Variants in TRMT2A observed in about 807,000 individuals in gnomAD.
TRMT2A encodes tRNA methyltransferase 2A.
In TRMT2A, 60 loss-of-function variants were observed where a neutral mutation model predicts 59.3. That is an observed-to-expected ratio of 1.01 (90% CI 0.82 to 1.26). The LOEUF is 1.26. Among genes scored for constraint, TRMT2A ranks in the 50% most tolerant of loss-of-function variants. The pLI is 0.00. For missense variants in TRMT2A, 863 were observed against 845.2 expected, an observed-to-expected ratio of 1.02 and a Z score of -0.26; for synonymous variants, 403 against 353.7, an observed-to-expected ratio of 1.14 and a Z score of -1.56.
Position 20,116,994 on chromosome 22 carries a change from G to A in TRMT2A, c.-88C>T. Reference sequence around the variant, plus strand: ...GGGCCTGTCACAAGGGAAGTGGCCTGTCACAAGGGAAGTGCTCAGAGGGGA... The same window carrying A: ...GGGCCTGTCACAAGGGAAGTGGCCTATCACAAGGGAAGTGCTCAGAGGGGA... On this transcript the variant is annotated 5_prime_UTR_variant, in exon 1 of 12. Transcript: ENST00000252136. The A allele has an allele frequency of 6.6e-7, 1 of 1,520,258 alleles. No individual in the cohort carries two copies. The highest frequency in any genetic ancestry group is 8.9e-7 in the Non-Finnish European group (1 of 1,119,808). The allele number at this position is 1,520,258 out of a possible 1,614,324, so 94.2% of individuals were successfully genotyped here. A position where few individuals can be genotyped will look rare whatever the true frequency, so the allele number is the denominator to read the frequency against.
chr22:20,113,286 GGCCA>G, intron 9 of TRMT2A, 52 bp from the exon 10 acceptor site: 1 of 1,517,206 alleles, frequency 6.6e-7, no homozygotes. Flanking sequence ...CTCCCAGCAG[GGCCA>G]GCCCTGGGGA....
intron 6 of TRMT2A, 32 bp from the exon 7 acceptor site, chr22:20,114,717 A>T (rs929585939): frequency 6.2e-7 from 1 of 1,611,138 alleles, no homozygotes; most frequent in African/African-American, 1.3e-5. Flanking sequence ...CTTCAGTGTC[A>T]CAGTCCCTGC....
Position 20,115,655 on chromosome 22 carries a change from C to G in TRMT2A, c.708+17G>C. 1 of 1,612,340 alleles carries G rather than the reference C, an allele frequency of 6.2e-7. No homozygotes were observed. Among genetic ancestry groups the G allele is most frequent in the Non-Finnish European group, 8.5e-7 (1 of 1,179,624 alleles). ...AACCCAGGATAGGGGTTTGTGGCCA[C>G]CGAAGTCTAGTCTGACCTGCTGGGG... On this transcript the variant is annotated intron_variant, in intron 3 of 11. Coordinates refer to ENST00000252136, the MANE Select transcript of TRMT2A (RefSeq NM_022727.6).
At position 20,116,134 on chromosome 22, in the gene TRMT2A, A is replaced by G. The variant is rs1473483441; in HGVS notation, c.503T>C (p.Val168Ala). Reference protein sequence around the residue: ...EGESEPPVTRVADVVTPLWTV... With the variant: ...EGESEPPVTRAADVVTPLWTV... Reference sequence around the variant, plus strand: ...CCATAGAGGGGTCACCACGTCGGCCACTCGTGTTACTGGTGGCTCACTCTC... The same window carrying G: ...CCATAGAGGGGTCACCACGTCGGCCGCTCGTGTTACTGGTGGCTCACTCTC... The change falls in exon 2 of 12, where the codon GTG (valine) becomes GCG (alanine). Residue 168 changes from valine to alanine, a missense_variant. Transcript: ENST00000252136. 1 of 1,612,742 alleles carries G rather than the reference A, an allele frequency of 6.2e-7. No homozygotes were observed. The highest frequency in any genetic ancestry group is 1.7e-5 in the Admixed American group (1 of 60,012).
chr22:20,113,614 T>C, intron 8 of TRMT2A, 72 bp downstream of exon 8: 1 of 1,601,224 alleles, frequency 6.2e-7, no homozygotes. Flanking sequence ...TCAGCTGTGG[T>C]GACTTTGAGC....
chr22:20,112,659 G>A lies in TRMT2A; in HGVS notation c.1782C>T (p.Gly594=). The A allele has an allele frequency of 6.2e-7, 1 of 1,614,132 alleles. No homozygotes were observed. The highest frequency in any genetic ancestry group is 8.5e-7 in the Non-Finnish European group (1 of 1,180,034). The change falls in exon 12 of 12, where the codon GGC becomes GGT. Residue 594 remains glycine, a synonymous_variant. Coordinates refer to ENST00000252136, the MANE Select transcript of TRMT2A (RefSeq NM_022727.6). ...GGCTGTGGGGCCCCAAGACCCCTGTGCCATTGGGGTGCTCCACCCTCTCAA... is the reference window on the plus strand; with the variant it reads ...GGCTGTGGGGCCCCAAGACCCCTGTACCATTGGGGTGCTCCACCCTCTCAA... ...ILFERVEHPN[G]TGVLGPHSPP...
chr22:20,114,759 A>AC lies in TRMT2A; in HGVS notation c.1121+1dup. 6.2e-7 allele frequency: 1 copy of AC among 1,612,202 alleles called. No individual in the cohort carries two copies. ...CTGCCCCGCCCCACTCGGGCTCCTT[A>AC]CCGCTGTCCCTCCTCCACGAAGTAG... On this transcript the variant is annotated splice_donor_variant, in intron 6 of 11. Coordinates refer to ENST00000252136, the MANE Select transcript of TRMT2A (RefSeq NM_022727.6). LOFTEE classifies it high-confidence loss of function.
At position 20,114,448 on chromosome 22, in the gene TRMT2A, CT is replaced by C. The variant is rs990048643; in HGVS notation, c.1233+125del. ...AACCTCTTTCTTACTTCACCCTCCC[CT>C]GTGGCTCACCTGCCTGGATACTCCC... On this transcript the variant is annotated intron_variant, in intron 7 of 11. Transcript: ENST00000252136. 73 of 792,522 alleles carry C rather than the reference CT, an allele frequency of 9.2e-5. 1 individual carries two copies. The highest frequency in any genetic ancestry group is 8.5e-4 in the Admixed American group (46 of 54,370). 49.1% of individuals were successfully genotyped at this position (792,522 alleles called of 1,614,324 possible).
chr22:20,112,266 T>G lies in TRMT2A; in HGVS notation c.*297A>C. 2.4e-6 allele frequency: 1 copy of G among 416,054 alleles called. No individual in the cohort carries two copies. The highest frequency in any genetic ancestry group is 4.3e-6 in the Non-Finnish European group (1 of 233,568). 25.8% of individuals were successfully genotyped at this position (416,054 alleles called of 1,614,324 possible). A position where few individuals can be genotyped will look rare whatever the true frequency, so the allele number is the denominator to read the frequency against. On this transcript the variant is annotated 3_prime_UTR_variant, in exon 12 of 12. Transcript: ENST00000252136. ...CCCTTTCCCTGGCACCCAGGCCCTG[T>G]GTTCAGACCCCTGGCTCTCATCACA...
rs768934251 is a variant in TRMT2A at position 20,115,693 on chromosome 22, C to A, written c.687G>T (p.Gly229=). 5.0e-6 allele frequency: 8 copies of A among 1,612,830 alleles called. No individual in the cohort carries two copies. Among genetic ancestry groups the A allele is most frequent in the Non-Finnish European group, 5.9e-6 (7 of 1,180,024 alleles). ...KHNKACCPLE[G]VRPSPQQTEY... ...TGACCTGCTGGGGTGATGGCCTGAC[C>A]CCCTCCAGCGGGCAGCAGGCCTTGT... The change falls in exon 3 of 12, where the codon GGG becomes GGT. Residue 229 remains glycine (G), a synonymous_variant. Transcript: ENST00000252136.
chr22:20,115,332 G>C lies in TRMT2A; in HGVS notation c.824C>G (p.Pro275Arg). ...TTCGGGGATGTGCACGGTGTCAAAC[G>C]GGGCTGCCACAGCACACGTCCCGCC... ...YKGGTCAVAA[P>R]FDTVHIPEAT... Residue 275 changes from proline (P) to arginine (R), a missense_variant, in exon 4 of 12, where the codon CCG becomes CGG. By Grantham distance (103) the Pro-to-Arg change is moderately radical. Transcript: ENST00000252136. The C allele has an allele frequency of 2.5e-6, 4 of 1,612,786 alleles. No homozygotes were observed. Among genetic ancestry groups the C allele is most frequent in the Non-Finnish European group, 3.4e-6 (4 of 1,179,988 alleles).
rs745726370 is a variant in TRMT2A, at chr22:20,113,591, G to A, written c.1357-84C>T. On this transcript the variant is annotated intron_variant, in intron 8 of 11. Transcript: ENST00000252136. ...GGGCAGCAAAGAGGAGCTGGGCCTG[G>A]GGCATGATGGAGTCAGCTGTGGTGA... 2.5e-6 allele frequency: 4 copies of A among 1,606,582 alleles called. No homozygotes were observed. In the South Asian group the frequency reaches 4.4e-5, roughly 18 times the overall value.
In TRMT2A at chr22:20,113,047, A is replaced by T. The variant is rs758039184; in HGVS notation, c.1550-40T>A. The T allele has an allele frequency of 3.1e-6, 5 of 1,612,658 alleles. No individual in the cohort carries two copies. In the Admixed American group the frequency reaches 5.0e-5, roughly 16 times the overall value. Reference sequence around the variant, plus strand: ...ACCAGCTGGGTCCCCACAGCCAGAGAGTGCATAACATGGTGAGCCACCCCA... The same window carrying T: ...ACCAGCTGGGTCCCCACAGCCAGAGTGTGCATAACATGGTGAGCCACCCCA... On this transcript the variant is annotated intron_variant, in intron 10 of 11. Transcript: ENST00000252136.
In TRMT2A at chr22:20,113,704, A is replaced by G. The variant is rs757211179; in HGVS notation, c.1338T>C (p.Ile446=). 1 of 1,602,164 alleles carries G rather than the reference A, an allele frequency of 6.2e-7. No individual in the cohort carries two copies. The highest frequency in any genetic ancestry group is 1.1e-5 in the South Asian group (1 of 89,784). Residue 446 remains isoleucine, a synonymous_variant, in exon 8 of 12, where the codon ATT becomes ATC. Transcript: ENST00000252136. ...GGCTCACCCGGGCCAGGGCCAGGCC[A>G]ATGGTGCCGGTGCCACAGCACACGT... ...VLDVCCGTGT[I]GLALARKVKR... is the part of the protein sequence containing the mutation.
At chr22:20,116,831 C>G (rs2050040377) in intron 1 of TRMT2A, 52 bp downstream of exon 1, 1 of 1,523,556 alleles carries the variant, frequency 6.6e-7, no homozygotes, top group Admixed American at 1.8e-5. Flanking sequence ...TGACCCACCC[C>G]GCCTCCTCCC....
Position 20,113,200 on chromosome 22 carries a change from G to A in TRMT2A, c.1467C>T (p.Ala489=), listed in dbSNP as rs748552675. ...TCACCAGGGTGGGCACCAGGTCCTCGGCCCTCCCGCAGTGGAACTCCACAT... is the reference window on the plus strand; with the variant it reads ...TCACCAGGGTGGGCACCAGGTCCTCAGCCCTCCCGCAGTGGAACTCCACAT... ...LSNVEFHCGR[A]EDLVPTLVSR... is the part of the protein sequence containing the mutation. Residue 489 remains alanine (A), a synonymous_variant, in exon 10 of 12, where the codon GCC becomes GCT. Coordinates refer to ENST00000252136, the MANE Select transcript of TRMT2A (RefSeq NM_022727.6). 14 of 1,583,862 alleles carry A rather than the reference G, an allele frequency of 8.8e-6. No individual in the cohort carries two copies. The highest frequency in any genetic ancestry group is 1.7e-4 in the Middle Eastern group (1 of 5,932).
At chr22:20,115,935 G>A (rs955628192) in intron 2 of TRMT2A, 103 bp downstream of exon 2, 23 of 1,434,452 alleles carry the variant, frequency 1.6e-5, no homozygotes, top group Middle Eastern at 2.1e-4. Context: ...CAAAGGGGCC[G>A]CCAGATCCTG....
chr22:20,115,018 C>A lies in TRMT2A; in HGVS notation c.952G>T (p.Val318Leu), dbSNP rs750465120. 2 of 1,600,146 alleles carry A rather than the reference C, an allele frequency of 1.2e-6. No individual in the cohort carries two copies. Among genetic ancestry groups the A allele is most frequent in the Non-Finnish European group, 1.7e-6 (2 of 1,175,848 alleles). Reference protein sequence around the residue: ...TYTGHWKQLTVRTSRRHQAMA... With the variant: ...TYTGHWKQLTLRTSRRHQAMA... ...GCCTGGTGGCGGCGGCTGGTGCGCA[C>A]AGTCAGCTGCTTCCAGTGGCCTGTG... Residue 318 changes from valine (V) to leucine (L), a missense_variant, in exon 5 of 12, where the codon GTG becomes TTG. Transcript: ENST00000252136.
rs142241036 is a variant in TRMT2A, at chr22:20,114,355, TCCTC to T, written c.1233+215_1233+218del. On this transcript the variant is annotated intron_variant, in intron 7 of 11. Coordinates refer to ENST00000252136, the MANE Select transcript of TRMT2A (RefSeq NM_022727.6). ...GTAATGCACTGAGGGCCACTCCTCA[TCCTC>T]CCTGTGACAAGGGCCACTGCCGTGT... 5.8e-3 allele frequency among the ~76,000 whole-genome samples: 889 copies of T among 152,292 alleles called. 9 individuals are homozygous for T. The highest frequency in any genetic ancestry group is 0.019 in the African/African-American group (796 of 41,552).
Sources: allele counts gnomAD v4.1 joint callset (sites outside exome capture counted in the v4.1 genomes callset), GRCh38; gene constraint gnomAD v4.1.1; transcripts MANE v1.5; gene names NCBI Gene and HGNC (gene_info 2026-07-23, HGNC 2026-07-21).